The following SH3BP5 variants were observed in gnomAD, a reference collection of about 807,000 sequenced individuals.
The protein encoded by SH3BP5 is SH3 domain binding protein 5.
A neutral mutation model predicts 43.3 loss-of-function variants in SH3BP5; 22 were observed. The observed-to-expected ratio is 0.51, with a 90% CI of 0.36 to 0.73. The LOEUF (loss-of-function observed/expected upper bound fraction) is 0.73, where lower values mean the gene tolerates loss of function less well. SH3BP5 is among the 30% of genes least tolerant of loss of function. SH3BP5 has a pLI of 0.00. For missense variants in SH3BP5, 529 were observed against 586.9 expected, an observed-to-expected ratio of 0.90 and a Z score of 1.02; for synonymous variants, 255 against 225.8, an observed-to-expected ratio of 1.13 and a Z score of -1.16.
Position 15,332,457 on chromosome 3 carries a change from G to A in SH3BP5, c.-49C>T. On this transcript the variant is annotated 5_prime_UTR_variant, in exon 1 of 9. Coordinates refer to ENST00000383791, the MANE Select transcript of SH3BP5 (RefSeq NM_004844.5). ...CGCAGTGGGCTCCGGAGCGCCCCGG[G>A]GGTCGCGGCTGCCACAGGCTGGGCT... 1.4e-6 allele frequency: 2 copies of A among 1,465,316 alleles called. No homozygotes were observed. The highest frequency in any genetic ancestry group is 1.4e-5 in the South Asian group (1 of 73,526). The allele number at this position is 1,465,316 out of a possible 1,614,324, so 90.8% of individuals were successfully genotyped here.
At chr3:15,337,364 C>T (rs572077999), upstream of SH3BP5, among the ~76,000 whole-genome samples, 24 of 152,188 alleles carry the variant, frequency 1.6e-4, no homozygotes, top group East Asian at 3.7e-3. Context: ...CGAGAGCCAC[C>T]GTGCCCGGCC....
upstream of SH3BP5, chr3:15,332,724 A>C: frequency 7.1e-6 from 7 of 987,688 alleles, no homozygotes; most frequent in African/African-American, 1.7e-5. Context: ...CTCCCTCCAC[A>C]TCTCCAAGGT....
At chr3:15,317,249 G>A (rs1019684706) in intron 2 of SH3BP5, among the ~76,000 whole-genome samples, 9 of 152,192 alleles carry the variant, frequency 5.9e-5, no homozygotes, top group African/African-American at 1.9e-4. Context: ...GCGATATGGC[G>A]AGTTCATGGC....
At chr3:15,332,690 C>T (rs1698648263), upstream of SH3BP5, 2 of 1,125,238 alleles carry the variant, frequency 1.8e-6, no homozygotes, top group Admixed American at 5.0e-5. Context: ...CCCAGCTATC[C>T]AGGTCTCCGT....
chr3:15,257,155 T>A lies in SH3BP5; in HGVS notation c.890-42A>T, dbSNP rs201270033. 3.2e-4 allele frequency: 505 copies of A among 1,593,780 alleles called. 1 individual carries two copies. The highest frequency in any genetic ancestry group is 4.7e-4 in the Admixed American group (28 of 59,080). ...CACCAGTCACATGGGTTCTGTCACC[T>A]CCTCAAACACCACAAGTGCTTGCTG... On this transcript the variant is annotated intron_variant, in intron 7 of 8. Coordinates refer to ENST00000383791, the MANE Select transcript of SH3BP5 (RefSeq NM_004844.5).
chr3:15,320,392 G>A (rs756137012), intron 2 of SH3BP5, among the ~76,000 whole-genome samples: 1 of 152,074 alleles, frequency 6.6e-6, no homozygotes, highest in Non-Finnish European at 1.5e-5. Flanking sequence ...AATGAAAGAG[G>A]CTGACTTGCT....
intron 4 of SH3BP5, among the ~76,000 whole-genome samples, chr3:15,265,998 T>C (rs752114859): frequency 8.5e-5 from 13 of 152,204 alleles, no homozygotes; most frequent in Admixed American, 4.6e-4. Flanking sequence ...ACCGGCTTAG[T>C]AGACATCCAC....
chr3:15,265,512 T>TCACACACACACA (rs368955496), intron 4 of SH3BP5, among the ~76,000 whole-genome samples: 4,452 of 107,796 alleles, frequency 0.041, 217 homozygotes, highest in East Asian at 0.056. Context: ...CGAGACTCCG[T>TCACACACACACA]CACACACACA....
intron 3 of SH3BP5, among the ~76,000 whole-genome samples, chr3:15,297,281 G>A (rs1356403447): frequency 1.3e-5 from 2 of 151,950 alleles, no homozygotes; most frequent in African/African-American, 4.8e-5. Context: ...AACTCACTAT[G>A]TACTCAACCT....
At chr3:15,267,904 A>G (rs1696687855) in intron 4 of SH3BP5, among the ~76,000 whole-genome samples, 1 of 152,200 alleles carries the variant, frequency 6.6e-6, no homozygotes, top group Non-Finnish European at 1.5e-5. Flanking sequence ...ATAGGCTGAC[A>G]TGGGTCTCCA....
intron 2 of SH3BP5, among the ~76,000 whole-genome samples, chr3:15,305,152 T>G (rs1357438425): frequency 6.6e-6 from 1 of 152,172 alleles, no homozygotes; most frequent in African/African-American, 2.4e-5. Flanking sequence ...TATTTAAAAT[T>G]TTTTAATTAA....
chr3:15,308,376 G>C (rs1697967382), intron 2 of SH3BP5, among the ~76,000 whole-genome samples: 1 of 152,168 alleles, frequency 6.6e-6, no homozygotes, highest in Non-Finnish European at 1.5e-5. Flanking sequence ...GGAGGAAATA[G>C]AGGCAAGGAA....
At chr3:15,308,597 G>C (rs909344218) in intron 2 of SH3BP5, among the ~76,000 whole-genome samples, 2 of 152,136 alleles carry the variant, frequency 1.3e-5, no homozygotes, top group East Asian at 3.9e-4. Context: ...GGCTGGCCTG[G>C]TAGGGGCTGG....
chr3:15,324,364 G>A (rs1276942664), intron 2 of SH3BP5, among the ~76,000 whole-genome samples: 12 of 152,198 alleles, frequency 7.9e-5, no homozygotes, highest in Admixed American at 7.8e-4. Flanking sequence ...GAGACGGCAA[G>A]CTCCATGAGG....
At chr3:15,332,670 C>G, upstream of SH3BP5, 3 of 1,138,066 alleles carry the variant, frequency 2.6e-6, no homozygotes, top group African/African-American at 1.6e-5. Context: ...CCTCGCGTTC[C>G]GCCGCCAGTC....
At chr3:15,272,776 A>G (rs1696853409) in intron 3 of SH3BP5, among the ~76,000 whole-genome samples, 1 of 152,218 alleles carries the variant, frequency 6.6e-6, no homozygotes, top group Non-Finnish European at 1.5e-5. Context: ...GAAGACCTTG[A>G]ATGAATGCCA....
At chr3:15,323,989 C>T (rs535605242) in intron 2 of SH3BP5, among the ~76,000 whole-genome samples, 20 of 152,332 alleles carry the variant, frequency 1.3e-4, no homozygotes, top group African/African-American at 4.8e-4. Flanking sequence ...TTCAGTACCA[C>T]CATTCTGATG....
chr3:15,333,486 AACC>A (rs149169382), upstream of SH3BP5, among the ~76,000 whole-genome samples: 1,049 of 152,302 alleles, frequency 6.9e-3, 9 homozygotes, highest in Non-Finnish European at 0.012. Context: ...TCTTTCTGAG[AACC>A]TATCATCAAA....
intron 4 of SH3BP5, among the ~76,000 whole-genome samples, chr3:15,265,512 T>TCTCACACACACACACA (rs1318765546): frequency 5.1e-4 from 55 of 107,988 alleles, no homozygotes; most frequent in African/African-American, 1.8e-3. Flanking sequence ...CGAGACTCCG[T>TCTCACACACACACACA]CACACACACA....
Sources: allele counts gnomAD v4.1 joint callset (sites outside exome capture counted in the v4.1 genomes callset), GRCh38; gene constraint gnomAD v4.1.1; transcripts MANE v1.5; gene names NCBI Gene and HGNC (gene_info 2026-07-23, HGNC 2026-07-21).